The following TRPM8 variants were observed in gnomAD, a reference collection of about 807,000 sequenced individuals.
TRPM8 encodes the protein transient receptor potential cation channel subfamily M member 8, also known as TRPM8 cationic channel.
Under a neutral mutation model 133.7 loss-of-function variants are expected in TRPM8, and 110 were observed. The ratio of observed to expected loss-of-function variants is 0.82; its 90% CI spans 0.70 to 0.96. TRPM8 has a LOEUF of 0.96. TRPM8 is among the 40% of genes least tolerant of loss of function. The pLI is 0.00. For synonymous variants in TRPM8, 535 were observed against 532.3 expected (o/e 1.01, Z -0.07); for missense variants, 1,291 against 1,379.5 (o/e 0.94, Z 1.02).
chr2:233,993,408 C>G (rs1688457996), intron 21 of TRPM8, among the ~76,000 whole-genome samples: 2 of 152,218 alleles, frequency 1.3e-5, no homozygotes, highest in Admixed American at 6.5e-5. Context: ...TTCATGGGCA[C>G]TGGCCTACGT....
chr2:233,996,636 T>A, intron 22 of TRPM8, 120 bp downstream of exon 22: 1 of 949,630 alleles, frequency 1.1e-6, no homozygotes, highest in Non-Finnish European at 1.6e-6. Context: ...TTCACATCTG[T>A]ACATCTGTAA....
intron 17 of TRPM8, among the ~76,000 whole-genome samples, chr2:233,975,539 G>A (rs888934713): frequency 1.3e-5 from 2 of 152,212 alleles, no homozygotes; most frequent in African/African-American, 4.8e-5. Context: ...ATTAAGGCTT[G>A]GAAGCTGCTG....
chr2:233,920,827 C>T (rs906136150), intron 1 of TRPM8, among the ~76,000 whole-genome samples: 2 of 150,524 alleles, frequency 1.3e-5, no homozygotes, highest in African/African-American at 4.9e-5. Flanking sequence ...GGCATTGGCA[C>T]AATGCAAAGG....
intron 11 of TRPM8, among the ~76,000 whole-genome samples, chr2:233,955,874 C>T (rs920882593): frequency 3.3e-5 from 5 of 152,166 alleles, no homozygotes; most frequent in South Asian, 2.1e-4. Flanking sequence ...GCCTGAGCTC[C>T]GCCTTCAGTC....
At chr2:233,923,024 C>A (rs557400793) in intron 1 of TRPM8, among the ~76,000 whole-genome samples, 8 of 152,160 alleles carry the variant, frequency 5.3e-5, no homozygotes, top group Admixed American at 4.6e-4. Context: ...CCCGCCACCA[C>A]GCCTGGCTAA....
Position 233,961,063 on chromosome 2 carries a change from C to G in TRPM8, c.1650C>G (p.Leu550=). Residue 550 remains leucine (L), a synonymous_variant, in exon 12 of 26, where the codon CTC becomes CTG. Transcript: ENST00000324695. ...GCCGGGACGAGATGGACATAGAACT[C>G]CACGTAGGTACTGGGAGAGTTGCCT... ...RNGRDEMDIE[L]HDVSPITRHP... 6.2e-7 allele frequency: 1 copy of G among 1,613,212 alleles called. No homozygotes were observed. The highest frequency in any genetic ancestry group is 1.1e-5 in the South Asian group (1 of 91,004).
At chr2:233,964,477 G>C (rs534291261) in intron 13 of TRPM8, 151 bp from the exon 14 acceptor site, 4 of 538,654 alleles carry the variant, frequency 7.4e-6, no homozygotes, top group Non-Finnish European at 2.7e-6. Flanking sequence ...ACTTGAACCC[G>C]GGAGGTGGAG....
At chr2:233,937,278 A>G in intron 3 of TRPM8, 75 bp from the exon 4 acceptor site, 1 of 1,547,180 alleles carries the variant, frequency 6.5e-7, no homozygotes. Context: ...GTGTCTATTT[A>G]AGCTAACAAT....
At chr2:233,973,106 C>T (rs920056948) in intron 17 of TRPM8, among the ~76,000 whole-genome samples, 8 of 152,216 alleles carry the variant, frequency 5.3e-5, no homozygotes, top group Non-Finnish European at 1.0e-4. Flanking sequence ...GCAATTCTTG[C>T]CCCAGGACGG....
At chr2:233,983,638 G>A (rs1473490899) in intron 20 of TRPM8, among the ~76,000 whole-genome samples, 3 of 152,192 alleles carry the variant, frequency 2.0e-5, no homozygotes, top group East Asian at 1.9e-4. Context: ...TCTGGCGTGC[G>A]TTAGCCCACT....
At chr2:233,998,579 A>G (rs934761524) in intron 22 of TRPM8, among the ~76,000 whole-genome samples, 3 of 151,866 alleles carry the variant, frequency 2.0e-5, no homozygotes, top group Admixed American at 6.6e-5. Context: ...GCTTGTGCCC[A>G]TCCAGTTAGG....
intron 17 of TRPM8, among the ~76,000 whole-genome samples, chr2:233,971,462 G>A (rs1345285884): frequency 6.6e-6 from 1 of 152,182 alleles, no homozygotes; most frequent in Non-Finnish European, 1.5e-5. Flanking sequence ...GAAGAGTCCT[G>A]ACACCAGTGC....
Position 233,982,063 on chromosome 2 carries a change from C to G in TRPM8, c.2589+148C>G, listed in dbSNP as rs1276017263. On this transcript the variant is annotated intron_variant, in intron 19 of 25. Coordinates refer to ENST00000324695, the MANE Select transcript of TRPM8 (RefSeq NM_024080.5). ...TTCTTTGATGTATTTCATCAGGGGC[C>G]TCTCCCAGGTTAAAATTTAATGAAA... 5 of 883,020 alleles carry G rather than the reference C, an allele frequency of 5.7e-6. No individual in the cohort carries two copies. The South Asian group carries it at 1.1e-4, about 20-fold the overall frequency. 54.7% of individuals were successfully genotyped at this position (883,020 alleles called of 1,614,324 possible). A position where few individuals can be genotyped will look rare whatever the true frequency, so the allele number is the denominator to read the frequency against.
At chr2:234,006,101 C>G (rs551985865) in intron 22 of TRPM8, among the ~76,000 whole-genome samples, 27 of 152,216 alleles carry the variant, frequency 1.8e-4, no homozygotes, top group Middle Eastern at 3.4e-3. Flanking sequence ...AATGGTAACT[C>G]AAAAGTTAAA....
chr2:233,926,656 T>C lies in TRPM8; in HGVS notation c.117+2T>C. 6.2e-7 allele frequency: 1 copy of C among 1,609,244 alleles called. No homozygotes were observed. The highest frequency in any genetic ancestry group is 8.5e-7 in the Non-Finnish European group (1 of 1,175,600). ...ACAGACTTGTCTTACAGTGAAAGCG[T>C]AAGTCATGCGCATCACCTGTTTGAA... On this transcript the variant is annotated splice_donor_variant, in intron 2 of 25. Transcript: ENST00000324695. LOFTEE classifies it high-confidence loss of function.
At position 233,988,400 on chromosome 2, in the gene TRPM8, C is replaced by A. The variant is rs546978332; in HGVS notation, c.2939+2535C>A. ...CACTCTTTTACTTGCATGGTAACAA[C>A]CTTCTCTCCTTGAGAATGGCGAACT... is the stretch of plus-strand genomic sequence containing the variant. On this transcript the variant is annotated intron_variant, in intron 21 of 25. Coordinates refer to ENST00000324695, the MANE Select transcript of TRPM8 (RefSeq NM_024080.5). Among the ~76,000 whole-genome samples, 14 of 152,246 alleles carry A rather than the reference C, an allele frequency of 9.2e-5. No homozygotes were observed. In the South Asian group the frequency reaches 2.9e-3, roughly 32 times the overall value.
intron 25 of TRPM8, among the ~76,000 whole-genome samples, chr2:234,015,028 T>C (rs1692925433): frequency 6.6e-6 from 1 of 152,240 alleles, no homozygotes; most frequent in Admixed American, 6.5e-5. Context: ...GTATCATGAA[T>C]GTATTTACAG....
chr2:233,977,663 C>T (rs1364690939), intron 17 of TRPM8, among the ~76,000 whole-genome samples: 1 of 152,124 alleles, frequency 6.6e-6, no homozygotes, highest in Non-Finnish European at 1.5e-5. Context: ...CTGTGGCCTC[C>T]CCCGAGGAGC....
chr2:233,973,764 G>A (rs1465459403), intron 17 of TRPM8, among the ~76,000 whole-genome samples: 1 of 152,194 alleles, frequency 6.6e-6, no homozygotes, highest in East Asian at 1.9e-4. Context: ...AGCAGCGAGG[G>A]AATGGGAATA....
Sources: gnomAD v4.1 joint callset for allele counts (sites outside exome capture counted in the v4.1 genomes callset) on GRCh38, gnomAD v4.1.1 for gene constraint, MANE v1.5 for transcripts, NCBI Gene and HGNC (gene_info 2026-07-23, HGNC 2026-07-21) for gene names.